PCCB: variants seen among roughly 807,000 people sequenced by gnomAD.
PCCB encodes the protein propionyl-CoA carboxylase subunit beta.
Under a neutral mutation model 60.7 loss-of-function variants are expected in PCCB, and 43 were observed. The observed-to-expected ratio is 0.71, with a 90% CI of 0.55 to 0.91. The LOEUF (loss-of-function observed/expected upper bound fraction) is 0.91. Among genes scored for constraint, PCCB ranks in the 40% least tolerant of loss-of-function variants. The pLI is 0.00. For synonymous variants in PCCB, 276 were observed against 255.9 expected (o/e 1.08, Z -0.75); for missense variants, 766 against 702.8 (o/e 1.09, Z -1.02).
intron 8 of PCCB, among the ~76,000 whole-genome samples, chr3:136,300,549 T>C (rs929196666): frequency 2.0e-5 from 3 of 152,154 alleles, no homozygotes; most frequent in Non-Finnish European, 2.9e-5. Context: ...GGGCCTGCAG[T>C]TTTGCTTTTT....
intron 9 of PCCB, among the ~76,000 whole-genome samples, chr3:136,314,725 A>G (rs549178759): frequency 1.3e-5 from 2 of 152,324 alleles, no homozygotes; most frequent in South Asian, 4.1e-4. Flanking sequence ...CATGACAGTA[A>G]TGAGTCAGGC....
chr3:136,279,429 T>C (rs181899540), intron 5 of PCCB, among the ~76,000 whole-genome samples: 1 of 152,296 alleles, frequency 6.6e-6, no homozygotes, highest in Non-Finnish European at 1.5e-5. Flanking sequence ...TTCACTTCTT[T>C]CATTTTAATC....
At chr3:136,267,917 C>A (rs1942048856) in intron 5 of PCCB, among the ~76,000 whole-genome samples, 2 of 141,412 alleles carry the variant, frequency 1.4e-5, no homozygotes, top group Admixed American at 7.1e-5. Context: ...TTGTTTTCTT[C>A]ATGGAGTTTT....
chr3:136,283,959 G>A lies in PCCB; in HGVS notation c.654+12G>A. On this transcript the variant is annotated intron_variant, in intron 6 of 14. Transcript: ENST00000251654. The stretch of plus-strand genomic sequence containing the variant: ...CGTTCATGGTAAAGGTAAGAAAGAA[G>A]GGCCTGTTTTTGGTGCCGTTTGAGA... The A allele has an allele frequency of 6.4e-7, 1 of 1,550,490 alleles. No individual in the cohort carries two copies. The highest frequency in any genetic ancestry group is 1.1e-5 in the South Asian group (1 of 89,816).
At chr3:136,264,355 A>G (rs1220180990) in intron 5 of PCCB, among the ~76,000 whole-genome samples, 2 of 151,190 alleles carry the variant, frequency 1.3e-5, no homozygotes, top group African/African-American at 2.4e-5. Context: ...TAAGTCCTTT[A>G]TAGTGTGTGC....
chr3:136,250,564 T>G lies in PCCB; in HGVS notation c.183+6T>G. 1 of 1,609,704 alleles carries G rather than the reference T, an allele frequency of 6.2e-7. No homozygotes were observed. The highest frequency in any genetic ancestry group is 1.1e-5 in the South Asian group (1 of 90,728). Reference sequence around the variant, plus strand: ...TTGACGCGCAGCACAAGCGAGTGAGTCCTGAGGGGCCTAAGTGAGTCCCGC... The same window carrying G: ...TTGACGCGCAGCACAAGCGAGTGAGGCCTGAGGGGCCTAAGTGAGTCCCGC... On this transcript the variant is annotated splice_donor_region_variant and intron_variant, in intron 1 of 14. Transcript: ENST00000251654.
At chr3:136,259,874 TC>T (rs1941774474) in intron 3 of PCCB, among the ~76,000 whole-genome samples, 3 of 152,184 alleles carry the variant, frequency 2.0e-5, no homozygotes, top group South Asian at 2.1e-4. Flanking sequence ...TGCCTCAGCC[TC>T]CCGAGTAGCT....
chr3:136,271,803 T>C (rs1005728310), intron 5 of PCCB, among the ~76,000 whole-genome samples: 18 of 152,190 alleles, frequency 1.2e-4, no homozygotes, highest in Admixed American at 6.5e-5. Flanking sequence ...ATATCACTGA[T>C]AAACAGTACT....
chr3:136,277,374 A>G (rs1942356537), intron 5 of PCCB, among the ~76,000 whole-genome samples: 1 of 152,138 alleles, frequency 6.6e-6, no homozygotes, highest in Admixed American at 6.5e-5. Flanking sequence ...GGTAGCGTTT[A>G]CAAAAGGGCA....
At chr3:136,260,242 T>A in intron 3 of PCCB, 2 of 574,822 alleles carry the variant, frequency 3.5e-6, no homozygotes, top group Non-Finnish European at 6.3e-6. Context: ...CGCAGCTAAC[T>A]TTTTTCTATA....
intron 7 of PCCB, among the ~76,000 whole-genome samples, chr3:136,296,826 G>T (rs1443268105): frequency 6.6e-6 from 1 of 152,114 alleles, no homozygotes; most frequent in Admixed American, 6.6e-5. Context: ...TAATAAAAAT[G>T]TAAAAAAAGA....
intron 4 of PCCB, among the ~76,000 whole-genome samples, 177 bp from the exon 5 acceptor site, chr3:136,261,775 G>A (rs1941832951): frequency 6.6e-6 from 1 of 152,146 alleles, no homozygotes; most frequent in Non-Finnish European, 1.5e-5. Flanking sequence ...TTAAATATCT[G>A]GTCCTTTGTC....
In PCCB at chr3:136,328,805, T is replaced by G; in HGVS notation, c.1446T>G (p.Ala482=). 1 of 1,614,206 alleles carries G rather than the reference T, an allele frequency of 6.2e-7. No homozygotes were observed. Among genetic ancestry groups the G allele is most frequent in the Non-Finnish European group, 8.5e-7 (1 of 1,180,014 alleles). ...IFKGHENVEA[A]QAEYIEKFAN... Reference sequence around the variant, plus strand: ...AAGGGCATGAGAATGTGGAAGCTGCTCAGGCAGAGTACATCGAGAAGTTTG... The same window carrying G: ...AAGGGCATGAGAATGTGGAAGCTGCGCAGGCAGAGTACATCGAGAAGTTTG... Residue 482 remains alanine (A), a synonymous_variant, in exon 14 of 15, where the codon GCT becomes GCG. Transcript: ENST00000251654.
intron 8 of PCCB, 53 bp downstream of exon 8, chr3:136,298,125 C>A: frequency 6.2e-7 from 1 of 1,611,956 alleles, no homozygotes; most frequent in Non-Finnish European, 8.5e-7. Flanking sequence ...GCTTGCCTTT[C>A]TCTGCCCTGA....
At chr3:136,316,044 T>G (rs890803127) in intron 9 of PCCB, among the ~76,000 whole-genome samples, 76 of 151,806 alleles carry the variant, frequency 5.0e-4, no homozygotes, top group Non-Finnish European at 3.1e-4. Flanking sequence ...CATAGCGAGA[T>G]CTCATCTCTA....
chr3:136,256,013 G>A (rs1158558811), intron 2 of PCCB, 38 bp downstream of exon 2: 2 of 1,613,986 alleles, frequency 1.2e-6, no homozygotes, highest in Admixed American at 3.3e-5. Context: ...CTTTTTAGGT[G>A]TGGCTCAGCT....
At chr3:136,322,874 A>G (rs2108232875) in intron 10 of PCCB, among the ~76,000 whole-genome samples, 1 of 152,232 alleles carries the variant, frequency 6.6e-6, no homozygotes, top group East Asian at 1.9e-4. Flanking sequence ...CCAGATATAG[A>G]ATTCTTGGTT....
intron 4 of PCCB, 151 bp downstream of exon 4, chr3:136,260,686 A>G (rs1223665463): frequency 4.3e-6 from 3 of 693,058 alleles, no homozygotes; most frequent in Non-Finnish European, 7.7e-6. Flanking sequence ...GTGCATAACA[A>G]TTTTCGTACC....
intron 5 of PCCB, among the ~76,000 whole-genome samples, chr3:136,282,985 T>C (rs189453681): frequency 1.3e-5 from 2 of 152,302 alleles, no homozygotes; most frequent in Non-Finnish European, 2.9e-5. Context: ...GGGAGAGAAT[T>C]TTCTGAACTC....
Sources: allele counts gnomAD v4.1 joint callset (sites outside exome capture counted in the v4.1 genomes callset), GRCh38; gene constraint gnomAD v4.1.1; transcripts MANE v1.5; gene names NCBI Gene and HGNC (gene_info 2026-07-23, HGNC 2026-07-21).